FOXJ3: variants seen among roughly 807,000 people sequenced by gnomAD.
The protein encoded by FOXJ3 is forkhead box J3, also known as forkhead box protein J3.
FOXJ3 carries 22 observed loss-of-function variants against 76.1 expected under a neutral mutation model. The ratio of observed to expected loss-of-function variants is 0.29; its 90% CI spans 0.21 to 0.41. FOXJ3 has a LOEUF of 0.41. Ranked by LOEUF, FOXJ3 falls within the 10% of genes least tolerant of loss-of-function variation. The pLI is 1.00. For synonymous variants in FOXJ3, 269 were observed against 261.2 expected, an observed-to-expected ratio of 1.03 and a Z score of -0.29; for missense variants, 613 against 762.1, an observed-to-expected ratio of 0.80 and a Z score of 2.30.
chr1:42,245,618 C>T (rs189629193), intron 4 of FOXJ3, among the ~76,000 whole-genome samples: 21 of 152,258 alleles, frequency 1.4e-4, no homozygotes, highest in African/African-American at 2.9e-4. Context: ...TAAAATTCAA[C>T]GTCATTTCAT....
intron 5 of FOXJ3, among the ~76,000 whole-genome samples, chr1:42,212,686 G>C (rs1381038595): frequency 1.3e-5 from 2 of 152,058 alleles, no homozygotes; most frequent in Non-Finnish European, 2.9e-5. Context: ...AATTTCCCTG[G>C]TCTTGCTAGA....
chr1:42,224,657 GA>G (rs900866113), intron 5 of FOXJ3, among the ~76,000 whole-genome samples: 5 of 151,268 alleles, frequency 3.3e-5, no homozygotes, highest in Non-Finnish European at 5.9e-5. Flanking sequence ...TGTCTCAAAA[GA>G]AAAAATAAAT....
chr1:42,296,056 G>A (rs1157581787), intron 2 of FOXJ3, among the ~76,000 whole-genome samples: 2 of 152,042 alleles, frequency 1.3e-5, no homozygotes, highest in African/African-American at 2.4e-5. Context: ...GGTATAAGAT[G>A]GTATCTCATT....
At chr1:42,258,276 G>C (rs957534973) in intron 4 of FOXJ3, among the ~76,000 whole-genome samples, 11 of 152,082 alleles carry the variant, frequency 7.2e-5, no homozygotes, top group African/African-American at 2.7e-4. Context: ...TGTTTGCCTT[G>C]TTTTCTCCCA....
At chr1:42,241,784 G>A (rs542039006) in intron 4 of FOXJ3, among the ~76,000 whole-genome samples, 9 of 152,178 alleles carry the variant, frequency 5.9e-5, no homozygotes, top group East Asian at 1.9e-4. Context: ...TGCCACTGTC[G>A]GCAACCAGCC....
chr1:42,189,139 G>C (rs1346694206), intron 10 of FOXJ3, 164 bp downstream of exon 10: 3 of 623,704 alleles, frequency 4.8e-6, no homozygotes, highest in Non-Finnish European at 8.2e-6. Context: ...ACTTGTCTGT[G>C]ACCCTCTGCT....
intron 4 of FOXJ3, among the ~76,000 whole-genome samples, chr1:42,262,091 G>T (rs1651085228): frequency 6.6e-6 from 1 of 152,158 alleles, no homozygotes; most frequent in African/African-American, 2.4e-5. Context: ...TACTCAGCTG[G>T]TGGAATATAA....
At chr1:42,240,620 G>A (rs343374) in intron 4 of FOXJ3, among the ~76,000 whole-genome samples, 106,489 of 152,028 alleles carry the variant, frequency 0.7, 38,031 homozygotes, top group Admixed American at 0.8. Context: ...CAGGGAAATT[G>A]TCTTTTCAAC....
In FOXJ3 at chr1:42,335,101, C is replaced by G. The variant is rs931435340; in HGVS notation, c.-60G>C. On this transcript the variant is annotated 5_prime_UTR_variant, in exon 1 of 13. Transcript: ENST00000361346. ...GGGACGGCCCGGCCGAGCCCCCGGC[C>G]GCTCCGTGCGTCTCCGCCCCCCCGG... 5 of 152,178 alleles carry G rather than the reference C, an allele frequency of 3.3e-5. No homozygotes were observed. Among genetic ancestry groups the G allele is most frequent in the African/African-American group, 1.2e-4 (5 of 41,436 alleles). The allele number at this position is 152,178 out of a possible 1,614,324, so 9.4% of individuals were successfully genotyped here. A position where few individuals can be genotyped will look rare whatever the true frequency, so the allele number is the denominator to read the frequency against.
chr1:42,232,861 C>G (rs1471811082), intron 4 of FOXJ3, among the ~76,000 whole-genome samples: 1 of 152,124 alleles, frequency 6.6e-6, no homozygotes, highest in African/African-American at 2.4e-5. Context: ...AGACATGAAG[C>G]CTTTGCCCAT....
chr1:42,332,953 A>G (rs1310944828), intron 1 of FOXJ3, among the ~76,000 whole-genome samples: 1 of 152,256 alleles, frequency 6.6e-6, no homozygotes, highest in Non-Finnish European at 1.5e-5. Flanking sequence ...TTTCCCGAAC[A>G]GAAAAAGAAA....
Position 42,232,318 on chromosome 1 carries a change from T to C in FOXJ3, c.445-4352A>G, listed in dbSNP as rs1412474651. Among the ~76,000 whole-genome samples, 3 of 148,378 alleles carry C rather than the reference T, an allele frequency of 2.0e-5. No homozygotes were observed. The Admixed American group carries it at 2.0e-4, about 10-fold the overall frequency. ...AATCCTTTCGGTATATACCCAGTAA[T>C]GGGATGGCTGGGTCAAATGGTATTT... is the stretch of plus-strand genomic sequence containing the variant. On this transcript the variant is annotated intron_variant, in intron 4 of 12. Coordinates refer to ENST00000361346, the MANE Select transcript of FOXJ3 (RefSeq NM_014947.5).
chr1:42,220,980 T>C (rs1381224127), intron 5 of FOXJ3, among the ~76,000 whole-genome samples: 2 of 152,210 alleles, frequency 1.3e-5, no homozygotes, highest in Non-Finnish European at 2.9e-5. Flanking sequence ...CATTAATTCA[T>C]TTAAAACCAA....
intron 1 of FOXJ3, among the ~76,000 whole-genome samples, chr1:42,320,549 T>C (rs771987774): frequency 6.6e-6 from 1 of 152,218 alleles, no homozygotes; most frequent in Non-Finnish European, 1.5e-5. Context: ...TCACACCGTA[T>C]GTTTAAATAC....
At chr1:42,205,533 A>C (rs1646844113) in intron 6 of FOXJ3, among the ~76,000 whole-genome samples, 1 of 152,202 alleles carries the variant, frequency 6.6e-6, no homozygotes, top group African/African-American at 2.4e-5. Flanking sequence ...TTTTTAAACA[A>C]GTATAGAACT....
In FOXJ3 at chr1:42,188,931, A is replaced by G. The variant is rs1417535575; in HGVS notation, c.1454-3T>C. ...CTGTCTCATACTCTCCATCAGACCTATGAGGAAAGCATTAAAAATATGTTA... is the reference window on the plus strand; with the variant it reads ...CTGTCTCATACTCTCCATCAGACCTGTGAGGAAAGCATTAAAAATATGTTA... On this transcript the variant is annotated splice_polypyrimidine_tract_variant and splice_region_variant and intron_variant, in intron 10 of 12. Transcript: ENST00000361346. 1.3e-6 allele frequency: 2 copies of G among 1,569,084 alleles called. No homozygotes were observed. The highest frequency in any genetic ancestry group is 2.3e-5 in the East Asian group (1 of 44,256).
At chr1:42,186,150 TG>T (rs1646430400) in intron 11 of FOXJ3, among the ~76,000 whole-genome samples, 1 of 152,046 alleles carries the variant, frequency 6.6e-6, no homozygotes, top group African/African-American at 2.4e-5. Context: ...AAGATCTGAA[TG>T]GATGTGATAC....
At chr1:42,288,264 A>G (rs1316328493) in intron 2 of FOXJ3, among the ~76,000 whole-genome samples, 1 of 152,190 alleles carries the variant, frequency 6.6e-6, no homozygotes, top group African/African-American at 2.4e-5. Flanking sequence ...TGCAGCCGTA[A>G]TTTAAAAACT....
chr1:42,299,387 A>G (rs960770643), intron 2 of FOXJ3, among the ~76,000 whole-genome samples: 1 of 128,986 alleles, frequency 7.8e-6, no homozygotes, highest in Non-Finnish European at 1.7e-5. Flanking sequence ...TTTTACTGTT[A>G]TTGGTTTGAA....
Sources: gnomAD v4.1 joint callset for allele counts (sites outside exome capture counted in the v4.1 genomes callset) on GRCh38, gnomAD v4.1.1 for gene constraint, MANE v1.5 for transcripts, NCBI Gene and HGNC (gene_info 2026-07-23, HGNC 2026-07-21) for gene names.